The following ARHGEF28 variants were observed in gnomAD, a reference collection of about 807,000 sequenced individuals.
The protein encoded by ARHGEF28 is Rho guanine nucleotide exchange factor 28.
In ARHGEF28, 152 loss-of-function variants were observed where a neutral mutation model predicts 206.6. The observed-to-expected ratio is 0.74, with a 90% CI of 0.64 to 0.84. The LOEUF (loss-of-function observed/expected upper bound fraction) is 0.84. Ranked by LOEUF, ARHGEF28 falls within the 40% of genes least tolerant of loss-of-function variation. The pLI, the probability that ARHGEF28 is intolerant of heterozygous loss-of-function variation, is 0.00. For synonymous variants in ARHGEF28, 763 were observed against 776.4 expected, an observed-to-expected ratio of 0.98 and a Z score of 0.29; for missense variants, 2,028 against 2,073.2, an observed-to-expected ratio of 0.98 and a Z score of 0.42.
At chr5:73,811,845 T>C (rs986842039) in intron 9 of ARHGEF28, among the ~76,000 whole-genome samples, 1 of 151,824 alleles carries the variant, frequency 6.6e-6, no homozygotes, top group African/African-American at 2.4e-5. Flanking sequence ...TAGCCGGGTG[T>C]GGTGGTGCAT....
intron 22 of ARHGEF28, among the ~76,000 whole-genome samples, chr5:73,876,651 A>C (rs1158618130): frequency 6.7e-6 from 1 of 150,348 alleles, no homozygotes; most frequent in African/African-American, 2.4e-5. Flanking sequence ...ATTTTGTCAA[A>C]GGCCTTTTCT....
chr5:73,778,803 G>A (rs1753675704), intron 6 of ARHGEF28, among the ~76,000 whole-genome samples: 1 of 152,184 alleles, frequency 6.6e-6, no homozygotes, highest in African/African-American at 2.4e-5. Context: ...AACTTTGGAT[G>A]ATAAATATTA....
chr5:73,712,037 T>C (rs1020737819), intron 2 of ARHGEF28, among the ~76,000 whole-genome samples: 2 of 152,158 alleles, frequency 1.3e-5, no homozygotes, highest in African/African-American at 4.8e-5. Context: ...TTTTCCTGCA[T>C]CTATTAGATG....
chr5:73,874,089 CATT>C (rs1561475461), intron 22 of ARHGEF28, among the ~76,000 whole-genome samples: 1 of 152,142 alleles, frequency 6.6e-6, no homozygotes, highest in Admixed American at 6.5e-5. Context: ...AGTAATATCT[CATT>C]ATGGTTCAAG....
At chr5:73,631,583 T>C (rs1743367317) in intron 1 of ARHGEF28, among the ~76,000 whole-genome samples, 1 of 152,214 alleles carries the variant, frequency 6.6e-6, no homozygotes, top group Non-Finnish European at 1.5e-5. Context: ...CTGGGTTTGA[T>C]AGCTACTTTC....
Position 73,787,057 on chromosome 5 carries a change from A to G in ARHGEF28, c.910+6312A>G, listed in dbSNP as rs558088643. Among the ~76,000 whole-genome samples, 6 of 152,342 alleles carry G rather than the reference A, an allele frequency of 3.9e-5. No homozygotes were observed. In the South Asian group the frequency reaches 1.2e-3, roughly 32 times the overall value. On this transcript the variant is annotated intron_variant, in intron 7 of 35. Transcript: ENST00000513042. ...GGAAAACAATAGGGCTCTTATCCACACAAAGTGTTGTTTCCAAGATTTTTC... is the reference window on the plus strand; with the variant it reads ...GGAAAACAATAGGGCTCTTATCCACGCAAAGTGTTGTTTCCAAGATTTTTC...
chr5:73,882,085 T>TG lies in ARHGEF28; in HGVS notation c.2815-387_2815-386insG, dbSNP rs201093454. On this transcript the variant is annotated intron_variant, in intron 22 of 35. Coordinates refer to ENST00000513042, the MANE Select transcript of ARHGEF28 (RefSeq NM_001177693.2). ...GTAAATGTCAAATGAGTGATTTTTT[T>TG]TGGGGGGCCAGACCTTCCTGAAGGC... 4.9e-4 allele frequency among the ~76,000 whole-genome samples: 73 copies of TG among 147,848 alleles called. 2 individuals are homozygous for TG. The East Asian group carries it at 0.011, about 23-fold the overall frequency.
intron 4 of ARHGEF28, 79 bp downstream of exon 4, chr5:73,753,281 C>A (rs1752121471): frequency 7.1e-7 from 1 of 1,405,898 alleles, no homozygotes; most frequent in Non-Finnish European, 9.3e-7. Flanking sequence ...CTGTGTGTTC[C>A]CCTCGGCAGG....
chr5:73,730,119 A>G (rs1010343003), intron 2 of ARHGEF28, among the ~76,000 whole-genome samples: 39 of 152,246 alleles, frequency 2.6e-4, no homozygotes, highest in Admixed American at 1.3e-4. Flanking sequence ...ATTAACATGC[A>G]TATTACTTAT....
intron 10 of ARHGEF28, among the ~76,000 whole-genome samples, chr5:73,837,714 C>T (rs144822389): frequency 5.4e-5 from 8 of 148,434 alleles, no homozygotes; most frequent in Admixed American, 2.0e-4. Flanking sequence ...TTTCTTTCTT[C>T]CTTCCTTCCT....
At chr5:73,744,212 C>T (rs990709872) in intron 2 of ARHGEF28, among the ~76,000 whole-genome samples, 1 of 152,134 alleles carries the variant, frequency 6.6e-6, no homozygotes, top group Non-Finnish European at 1.5e-5. Flanking sequence ...TTTGCATCTC[C>T]ACACTTCCTT....
chr5:73,842,509 G>A (rs1047666761), intron 11 of ARHGEF28, among the ~76,000 whole-genome samples: 1 of 152,184 alleles, frequency 6.6e-6, no homozygotes, highest in Non-Finnish European at 1.5e-5. Context: ...TATACTTTGT[G>A]AATTATGGTT....
chr5:73,674,009 A>T (rs919560968), intron 1 of ARHGEF28, among the ~76,000 whole-genome samples: 10 of 58,306 alleles, frequency 1.7e-4, no homozygotes, highest in Admixed American at 6.8e-4. Flanking sequence ...CCATCTCTTT[A>T]AAAAAAAAAA....
At chr5:73,706,713 A>G (rs181969508) in intron 2 of ARHGEF28, among the ~76,000 whole-genome samples, 145 of 152,326 alleles carry the variant, frequency 9.5e-4, no homozygotes, top group Middle Eastern at 3.4e-3. Context: ...AAACTGGGAG[A>G]AAACATCCCA....
chr5:73,836,019 C>A (rs761190931), intron 10 of ARHGEF28, among the ~76,000 whole-genome samples: 1 of 150,188 alleles, frequency 6.7e-6, no homozygotes, highest in Non-Finnish European at 1.5e-5. Context: ...TTCAGAAAAT[C>A]ATATGTGCCA....
intron 1 of ARHGEF28, among the ~76,000 whole-genome samples, chr5:73,648,736 C>T (rs1744602677): frequency 6.6e-6 from 1 of 152,156 alleles, no homozygotes; most frequent in Non-Finnish European, 1.5e-5. Context: ...GAATGAAGAG[C>T]AGTGAGGTGA....
intron 1 of ARHGEF28, among the ~76,000 whole-genome samples, chr5:73,665,589 C>A (rs1465994638): frequency 6.6e-6 from 1 of 152,136 alleles, no homozygotes; most frequent in African/African-American, 2.4e-5. Flanking sequence ...GTTCTGGAGG[C>A]TGAGAAGTTC....
At chr5:73,674,882 A>G (rs1290339261) in intron 1 of ARHGEF28, among the ~76,000 whole-genome samples, 2 of 152,208 alleles carry the variant, frequency 1.3e-5, no homozygotes, top group African/African-American at 4.8e-5. Context: ...TGGCACACCC[A>G]GGGGAGGGTA....
chr5:73,817,901 T>A (rs2112531834), intron 9 of ARHGEF28, among the ~76,000 whole-genome samples: 1 of 152,232 alleles, frequency 6.6e-6, no homozygotes, highest in South Asian at 2.1e-4. Flanking sequence ...CCTCTGTGTA[T>A]CTTTACTAGG....
Sources: gnomAD v4.1 joint callset for allele counts (sites outside exome capture counted in the v4.1 genomes callset) on GRCh38, gnomAD v4.1.1 for gene constraint, MANE v1.5 for transcripts, NCBI Gene and HGNC (gene_info 2026-07-23, HGNC 2026-07-21) for gene names.